The following ASMT variants were observed in gnomAD, a reference collection of about 807,000 sequenced individuals.
ASMT encodes the protein acetylserotonin N-methyltransferase.
In ASMT, 53 loss-of-function variants were observed where a neutral mutation model predicts 41.3. The ratio of observed to expected loss-of-function variants is 1.28; its 90% CI spans 1.03 to 1.61. The LOEUF is 1.61. Ranked by LOEUF, ASMT falls within the 40% of genes most tolerant of loss-of-function variation. The probability of loss-of-function intolerance (pLI) is 0.00; values close to 1 mark genes in which losing one functional copy is unlikely to be tolerated. For synonymous variants in ASMT, 231 were observed against 184.8 expected, an observed-to-expected ratio of 1.25 and a Z score of -2.03; for missense variants, 531 against 441.3, an observed-to-expected ratio of 1.20 and a Z score of -1.82.
At chrX:1,626,899 G>C (rs1934568858) in intron 3 of ASMT, among the ~76,000 whole-genome samples, 2 of 151,880 alleles carry the variant, frequency 1.3e-5, no homozygotes, top group African/African-American at 4.8e-5. Flanking sequence ...CATGGTGGCG[G>C]GTGCCTGTCA....
At chrX:1,617,455 C>T (rs1165508069) in intron 1 of ASMT, among the ~76,000 whole-genome samples, 1 of 151,558 alleles carries the variant, frequency 6.6e-6, no homozygotes, top group Non-Finnish European at 1.5e-5. Flanking sequence ...CTGGGTGTCG[C>T]AGTGAGACTC....
intron 1 of ASMT, among the ~76,000 whole-genome samples, chrX:1,622,740 C>T (rs1239144076): frequency 6.6e-6 from 1 of 150,828 alleles, no homozygotes; most frequent in Non-Finnish European, 1.5e-5. Context: ...GGTGAAACCC[C>T]ATCTTTACTA....
intron 5 of ASMT, among the ~76,000 whole-genome samples, chrX:1,632,116 G>A (rs1272865294): frequency 6.6e-6 from 1 of 152,138 alleles, no homozygotes; most frequent in African/African-American, 2.4e-5. Context: ...AAGTCTCTGT[G>A]GCCCATGATG....
intron 3 of ASMT, among the ~76,000 whole-genome samples, chrX:1,626,690 G>A (rs1200265502): frequency 6.6e-6 from 1 of 152,156 alleles, no homozygotes; most frequent in Non-Finnish European, 1.5e-5. Flanking sequence ...GGGCAAGGAA[G>A]AAAAAGGTCA....
At position 1,624,324 on chromosome X, in the gene ASMT, G is replaced by C. The variant is rs532832663; in HGVS notation, c.300G>C (p.Thr100=). The stretch of plus-strand genomic sequence containing the variant: ...ACTACCTGACCACGGTCAGCCCGAC[G>C]TCACAATGCAGCATGCTGAAGTACA... ...SSDYLTTVSP[T]SQCSMLKYMG... The change falls in exon 3 of 9, where the codon ACG becomes ACC. Residue 100 remains threonine (T), a synonymous_variant. Coordinates refer to ENST00000381241, the MANE Select transcript of ASMT (RefSeq NM_001171038.2). 1.1e-5 allele frequency: 18 copies of C among 1,613,824 alleles called. No individual in the cohort carries two copies. Among genetic ancestry groups the C allele is most frequent in the Non-Finnish European group, 1.5e-5 (18 of 1,179,870 alleles).
chrX:1,628,087 G>C, intron 4 of ASMT: 2 of 409,890 alleles, frequency 4.9e-6, no homozygotes, highest in East Asian at 1.0e-4. Context: ...TTGGGAGGCC[G>C]AGGCAGGTGG....
In ASMT at chrX:1,627,742, C is replaced by T. The variant is rs375325453; in HGVS notation, c.414C>T (p.Pro138=). The change falls in exon 4 of 9, where the codon CCC becomes CCT. Residue 138 remains proline, a synonymous_variant. Transcript: ENST00000381241. ...AGTACCTGGAGACGTTTGGCGTTCCCGCTGAAGAGCTTTTTACGGCCATCT... is the reference window on the plus strand; with the variant it reads ...AGTACCTGGAGACGTTTGGCGTTCCTGCTGAAGAGCTTTTTACGGCCATCT... ...RNQYLETFGV[P]AEELFTAIYR... 50 of 1,613,824 alleles carry T rather than the reference C, an allele frequency of 3.1e-5. No individual in the cohort carries two copies. The highest frequency in any genetic ancestry group is 4.0e-5 in the African/African-American group (3 of 74,912).
intron 4 of ASMT, chrX:1,628,045 G>C (rs1934622923): frequency 3.7e-6 from 2 of 536,770 alleles, no homozygotes; most frequent in African/African-American, 1.9e-5. Flanking sequence ...CACGCGCCGG[G>C]CGCGGTGGCT....
chrX:1,619,827 C>T (rs1272478253), intron 1 of ASMT, among the ~76,000 whole-genome samples: 1 of 151,018 alleles, frequency 6.6e-6, no homozygotes, highest in Non-Finnish European at 1.5e-5. Flanking sequence ...CGTGGTGGCT[C>T]ATGCCTGTAA....
At chrX:1,633,724 C>T (rs1417517561) in intron 7 of ASMT, among the ~76,000 whole-genome samples, 302 of 151,100 alleles carry the variant, frequency 2.0e-3, no homozygotes, top group Non-Finnish European at 3.7e-3. Flanking sequence ...CTTCAAGCTC[C>T]GCCTCCCGGG....
intron 3 of ASMT, among the ~76,000 whole-genome samples, chrX:1,625,168 C>A (rs1213130502): frequency 1.3e-5 from 2 of 149,774 alleles, no homozygotes; most frequent in Non-Finnish European, 3.0e-5. Context: ...GCAGTGGCGC[C>A]ATCTCGGCTC....
Position 1,642,761 on chromosome X carries a change from G to C in ASMT, c.911-42G>C, listed in dbSNP as rs754118751. On this transcript the variant is annotated intron_variant, in intron 8 of 8. Coordinates refer to ENST00000381241, the MANE Select transcript of ASMT (RefSeq NM_001171038.2). ...ACTGGGACTTTGGCACAGTCTGTCTGTGTGTTTGTGTGTGATGTGGACTGT... is the reference window on the plus strand; with the variant it reads ...ACTGGGACTTTGGCACAGTCTGTCTCTGTGTTTGTGTGTGATGTGGACTGT... 3 of 1,573,234 alleles carry C rather than the reference G, an allele frequency of 1.9e-6. No homozygotes were observed. In the African/African-American group the frequency reaches 4.1e-5, roughly 21 times the overall value.
intron 6 of ASMT, 118 bp from the exon 7 acceptor site, chrX:1,633,032 C>G: frequency 1.7e-6 from 2 of 1,146,980 alleles, no homozygotes; most frequent in South Asian, 1.2e-5. Flanking sequence ...AAAGACCAGA[C>G]ATGGCGGAAG....
At chrX:1,615,906 T>C (rs769224660) in intron 1 of ASMT, among the ~76,000 whole-genome samples, 1 of 152,086 alleles carries the variant, frequency 6.6e-6, no homozygotes, top group South Asian at 2.1e-4. Context: ...TGTTGAAATT[T>C]TTAAAACATT....
In ASMT at chrX:1,626,627, C is replaced by T. The variant is rs767954007; in HGVS notation, c.375-1076C>T. ...ATAGGGTTAAATAAAACCCATCTCA[C>T]GAGACTTTATAGTTATAGAGCATAA... On this transcript the variant is annotated intron_variant, in intron 3 of 8. Transcript: ENST00000381241. Among the ~76,000 whole-genome samples the T allele has an allele frequency of 6.6e-5, 10 of 152,240 alleles. No homozygotes were observed. In the East Asian group the frequency reaches 9.6e-4, roughly 15 times the overall value.
At chrX:1,633,087 G>C (rs1224004921) in intron 6 of ASMT, 63 bp from the exon 7 acceptor site, 1 of 1,603,964 alleles carries the variant, frequency 6.2e-7, no homozygotes, top group Non-Finnish European at 8.5e-7. Flanking sequence ...CATGGTGTGT[G>C]GAGGGTGAGC....
In ASMT at chrX:1,616,132, T is replaced by C. The variant is rs368902386; in HGVS notation, c.69+864T>C. 4.1e-4 allele frequency among the ~76,000 whole-genome samples: 62 copies of C among 149,430 alleles called. 1 individual carries two copies. Among genetic ancestry groups the C allele is most frequent in the African/African-American group, 1.5e-3 (57 of 39,172 alleles). The stretch of plus-strand genomic sequence containing the variant: ...CAACCTCCGCCTCCAGGGTTCAGGC[T>C]ATTCTCCTGCTTCAGCCTCCCGAGT... On this transcript the variant is annotated intron_variant, in intron 1 of 8. Transcript: ENST00000381241.
intron 3 of ASMT, 67 bp downstream of exon 3, chrX:1,624,465 G>A: frequency 6.8e-7 from 1 of 1,471,094 alleles, no homozygotes; most frequent in Non-Finnish European, 9.4e-7. Context: ...TGGGAGGTGG[G>A]GGCTGCCCCC....
In ASMT at chrX:1,633,048, A is replaced by G. The variant is rs1442530829; in HGVS notation, c.647-102A>G. On this transcript the variant is annotated intron_variant, in intron 6 of 8. Coordinates refer to ENST00000381241, the MANE Select transcript of ASMT (RefSeq NM_001171038.2). Reference sequence around the variant, plus strand: ...AAGACCAGACATGGCGGAAGGACCCAAGTTCCTGGGTTGGACCCTTCATGA... The same window carrying G: ...AAGACCAGACATGGCGGAAGGACCCGAGTTCCTGGGTTGGACCCTTCATGA... 9 of 1,404,528 alleles carry G rather than the reference A, an allele frequency of 6.4e-6. No homozygotes were observed. In the African/African-American group the frequency reaches 1.3e-4, roughly 20 times the overall value. The allele number at this position is 1,404,528 out of a possible 1,614,324, so 87.0% of individuals were successfully genotyped here.
Sources: gnomAD v4.1 joint callset for allele counts (sites outside exome capture counted in the v4.1 genomes callset) on GRCh38, gnomAD v4.1.1 for gene constraint, MANE v1.5 for transcripts, NCBI Gene and HGNC (gene_info 2026-07-23, HGNC 2026-07-21) for gene names.